Variants in FAM171B observed in about 807,000 individuals in gnomAD.
The protein encoded by FAM171B is protein FAM171B.
In FAM171B, 19 loss-of-function variants were observed where a neutral mutation model predicts 75.6. That is an observed-to-expected ratio of 0.25 (90% confidence interval 0.18 to 0.37). The LOEUF (loss-of-function observed/expected upper bound fraction) is 0.37. Among genes scored for constraint, FAM171B ranks in the 10% least tolerant of loss-of-function variants. FAM171B has a pLI of 1.00. For missense variants in FAM171B, 848 were observed against 982.4 expected (o/e 0.86, Z 1.83); for synonymous variants, 367 against 361.7 (o/e 1.01, Z -0.17).
At chr2:186,752,701 G>A (rs994550399) in intron 5 of FAM171B, among the ~76,000 whole-genome samples, 1 of 152,150 alleles carries the variant, frequency 6.6e-6, no homozygotes, top group African/African-American at 2.4e-5. Flanking sequence ...TATCACTGAT[G>A]TAACACTTGT....
At chr2:186,726,031 C>T (rs1210669611) in intron 1 of FAM171B, among the ~76,000 whole-genome samples, 1 of 152,170 alleles carries the variant, frequency 6.6e-6, no homozygotes, top group African/African-American at 2.4e-5. Flanking sequence ...CTATTGTGTG[C>T]TAGTTCTTAA....
intron 5 of FAM171B, 68 bp from the exon 6 acceptor site, chr2:186,753,865 G>T (rs1468741110): frequency 4.2e-6 from 5 of 1,177,536 alleles, no homozygotes; most frequent in Middle Eastern, 1.9e-4. Context: ...GTCCCATAAT[G>T]TATTCTGTGC....
At chr2:186,716,115 G>T (rs978422249) in intron 1 of FAM171B, among the ~76,000 whole-genome samples, 1 of 152,166 alleles carries the variant, frequency 6.6e-6, no homozygotes, top group African/African-American at 2.4e-5. Context: ...TGGGATCAAG[G>T]GATCTTCCCA....
intron 1 of FAM171B, among the ~76,000 whole-genome samples, chr2:186,698,133 T>C (rs530282776): frequency 2.6e-5 from 4 of 152,112 alleles, no homozygotes; most frequent in Non-Finnish European, 5.9e-5. Flanking sequence ...CCATATTATA[T>C]TAATTCTGAT....
chr2:186,709,285 A>G (rs1047248871), intron 1 of FAM171B, among the ~76,000 whole-genome samples: 3 of 152,198 alleles, frequency 2.0e-5, no homozygotes, highest in African/African-American at 7.2e-5. Flanking sequence ...ACATACATCC[A>G]AACTTCATCC....
intron 1 of FAM171B, among the ~76,000 whole-genome samples, chr2:186,716,775 T>A (rs1689880785): frequency 6.6e-6 from 1 of 152,216 alleles, no homozygotes; most frequent in Non-Finnish European, 1.5e-5. Flanking sequence ...TCAAAAGCAG[T>A]TGTACAGTTT....
At chr2:186,699,030 A>C (rs1332546416) in intron 1 of FAM171B, among the ~76,000 whole-genome samples, 1 of 152,114 alleles carries the variant, frequency 6.6e-6, no homozygotes, top group African/African-American at 2.4e-5. Flanking sequence ...ACTATCTGTT[A>C]ATGGACACTT....
chr2:186,726,536 C>T (rs906585135), intron 1 of FAM171B, among the ~76,000 whole-genome samples: 1 of 152,200 alleles, frequency 6.6e-6, no homozygotes, highest in African/African-American at 2.4e-5. Context: ...GTCCTCTACT[C>T]TTTTCTGAAC....
intron 1 of FAM171B, among the ~76,000 whole-genome samples, chr2:186,717,197 T>C: frequency 6.6e-6 from 1 of 152,224 alleles, no homozygotes; most frequent in Non-Finnish European, 1.5e-5. Flanking sequence ...TACTCTTCTT[T>C]TAAAAAATGT....
At chr2:186,723,522 G>A (rs978902246) in intron 1 of FAM171B, among the ~76,000 whole-genome samples, 2 of 151,862 alleles carry the variant, frequency 1.3e-5, no homozygotes, top group Non-Finnish European at 2.9e-5. Context: ...TTTGGTTCTA[G>A]TATTTTTCCA....
intron 6 of FAM171B, among the ~76,000 whole-genome samples, chr2:186,755,987 A>G (rs1232554244): frequency 6.6e-6 from 1 of 152,228 alleles, no homozygotes; most frequent in Non-Finnish European, 1.5e-5. Context: ...ATGAAAAACA[A>G]TATTTAATTT....
chr2:186,761,916 C>G lies in FAM171B; in HGVS notation c.1574C>G (p.Ser525Cys), dbSNP rs1690623650. The change falls in exon 8 of 8, where the codon TCC (serine) becomes TGC (cysteine). Residue 525 changes from serine to cysteine, a missense_variant. Around this residue, in one of 3 missense-constraint regions of FAM171B, gnomAD observed 665 missense variants for 729.0 expected, o/e 0.91. Coordinates refer to ENST00000304698, the MANE Select transcript of FAM171B (RefSeq NM_177454.4). ...GGTAATGAGGAGGCGTATGGGCGTT[C>G]CCATATTCCTGAACAGCTTATGCAT... The part of the protein sequence containing the change: ...LTGNEEAYGR[S>C]HIPEQLMHIY... 1.2e-6 allele frequency: 2 copies of G among 1,613,098 alleles called. No individual in the cohort carries two copies. Among genetic ancestry groups the G allele is most frequent in the Middle Eastern group, 1.7e-4 (1 of 6,050 alleles).
In FAM171B at chr2:186,743,562, T is replaced by A; in HGVS notation, c.552T>A (p.Thr184=). ...IWLFEDTVLI[T]GKLADAKSQP... is the part of the protein sequence containing the mutation. ...TATTTGAAGACACTGTTTTAATTAC[T>A]GGAAAATTAGCTGGTAAGTACCATA... Residue 184 remains threonine (T), a synonymous_variant, in exon 3 of 8, where the codon ACT becomes ACA. Transcript: ENST00000304698. The A allele has an allele frequency of 6.2e-7, 1 of 1,610,206 alleles. No homozygotes were observed.
Position 186,761,937 on chromosome 2 carries a change from T to C in FAM171B, c.1595T>C (p.Met532Thr). The change falls in exon 8 of 8, where the codon ATG becomes ACG. Residue 532 changes from methionine to threonine, a missense_variant. This residue lies in a region of FAM171B where 665 missense variants were observed against 729.0 expected (regional missense o/e 0.91). Transcript: ENST00000304698. ...CGTTCCCATATTCCTGAACAGCTTA[T>C]GCATATTTACAGCCAACCCATTGCC... ...YGRSHIPEQL[M>T]HIYSQPIAIL... is the part of the protein sequence containing the mutation. The C allele has an allele frequency of 6.2e-7, 1 of 1,613,424 alleles. No homozygotes were observed. The highest frequency in any genetic ancestry group is 8.5e-7 in the Non-Finnish European group (1 of 1,179,748).
chr2:186,742,062 G>A (rs1361149922), intron 2 of FAM171B, among the ~76,000 whole-genome samples: 1 of 152,000 alleles, frequency 6.6e-6, no homozygotes. Context: ...ACAGTATTCT[G>A]TAACAATATC....
chr2:186,750,817 T>C (rs971461541), intron 4 of FAM171B, among the ~76,000 whole-genome samples: 6 of 152,172 alleles, frequency 3.9e-5, no homozygotes, highest in Non-Finnish European at 8.8e-5. Flanking sequence ...TATGGTACTA[T>C]AGTGAGATGG....
intron 6 of FAM171B, among the ~76,000 whole-genome samples, chr2:186,760,152 T>C (rs1690593401): frequency 2.0e-5 from 3 of 152,106 alleles, no homozygotes. Context: ...TATATGTATG[T>C]TTTTACCAGT....
At chr2:186,704,786 T>G (rs1290107997) in intron 1 of FAM171B, among the ~76,000 whole-genome samples, 1 of 152,232 alleles carries the variant, frequency 6.6e-6, no homozygotes. Flanking sequence ...GAGAAGTCTA[T>G]GCATCGATAA....
At chr2:186,735,005 C>T (rs890338718) in intron 1 of FAM171B, among the ~76,000 whole-genome samples, 1 of 152,196 alleles carries the variant, frequency 6.6e-6, no homozygotes, top group Non-Finnish European at 1.5e-5. Flanking sequence ...TCCTGGGCCC[C>T]TGAGAGCAGA....
Sources: gnomAD v4.1 joint callset for allele counts (sites outside exome capture counted in the v4.1 genomes callset) on GRCh38, gnomAD v4.1.1 for gene constraint, gnomAD v4.1.1 regional missense constraint, MANE v1.5 for transcripts, NCBI Gene and HGNC (gene_info 2026-07-23, HGNC 2026-07-21) for gene names.